CCDC33: variants seen among roughly 807,000 people sequenced by gnomAD.
CCDC33 encodes the protein coiled-coil domain containing 33, also known as coiled-coil domain-containing protein 33.
A neutral mutation model predicts 91.9 loss-of-function variants in CCDC33; 94 were observed. The ratio of observed to expected loss-of-function variants is 1.02; its 90% CI spans 0.87 to 1.21. The LOEUF (loss-of-function observed/expected upper bound fraction) is 1.21, where lower values mean the gene tolerates loss of function less well. Among genes scored for constraint, CCDC33 ranks in the 50% most tolerant of loss-of-function variants. The pLI is 0.00. For synonymous variants in CCDC33, 396 were observed against 374.5 expected, an observed-to-expected ratio of 1.06 and a Z score of -0.66; for missense variants, 940 against 935.5, an observed-to-expected ratio of 1.00 and a Z score of -0.06.
chr15:74,273,981 G>A (rs1421899125), intron 7 of CCDC33, among the ~76,000 whole-genome samples: 2 of 151,940 alleles, frequency 1.3e-5, no homozygotes, highest in East Asian at 3.9e-4. Context: ...ACTGGCACCC[G>A]CCACCATGCC....
At chr15:74,332,045 A>ATAAT (rs1233829494) in intron 15 of CCDC33, among the ~76,000 whole-genome samples, 3 of 152,192 alleles carry the variant, frequency 2.0e-5, no homozygotes, top group Non-Finnish European at 2.9e-5. Flanking sequence ...AAATAAATAA[A>ATAAT]TAAATGATTT....
intron 2 of CCDC33, among the ~76,000 whole-genome samples, chr15:74,258,164 A>G (rs2075922792): frequency 6.6e-6 from 1 of 152,144 alleles, no homozygotes; most frequent in African/African-American, 2.4e-5. Context: ...CTATTCCACC[A>G]TCCATCCACT....
intron 2 of CCDC33, among the ~76,000 whole-genome samples, chr15:74,256,122 G>A (rs1300190505): frequency 3.3e-5 from 5 of 152,192 alleles, no homozygotes; most frequent in African/African-American, 1.2e-4. Flanking sequence ...GGAGGCGCCA[G>A]GAATCATAAT....
intron 2 of CCDC33, among the ~76,000 whole-genome samples, chr15:74,220,715 C>T (rs950741353): frequency 1.7e-4 from 26 of 152,234 alleles, no homozygotes; most frequent in African/African-American, 5.8e-4. Context: ...ATGTCTGCTT[C>T]TGCCAAGACA....
chr15:74,335,819 C>T, intron 18 of CCDC33, 106 bp from the exon 19 acceptor site: 1 of 861,592 alleles, frequency 1.2e-6, no homozygotes, highest in Admixed American at 2.2e-5. Flanking sequence ...TCATGGCCCA[C>T]TGGATTCTGG....
rs34461827 is a variant in CCDC33, at chr15:74,223,774, G to GCACACACA, written c.675+4928_675+4935dup. 5.4e-3 allele frequency among the ~76,000 whole-genome samples: 780 copies of GCACACACA among 145,612 alleles called. 2 individuals are homozygous for GCACACACA. Among genetic ancestry groups the GCACACACA allele is most frequent in the Non-Finnish European group, 8.4e-3 (551 of 65,982 alleles). Reference sequence around the variant, plus strand: ...CACACACACACACACACGCAAGCATGCACACACACACACACACACACAGCA... The same window carrying GCACACACA: ...CACACACACACACACACGCAAGCATGCACACACACACACACACACACACACACACAGCA... On this transcript the variant is annotated intron_variant, in intron 2 of 2. Transcript: ENST00000635913.
intron 11 of CCDC33, among the ~76,000 whole-genome samples, chr15:74,298,697 G>A (rs2142636694): frequency 6.9e-6 from 1 of 145,600 alleles, no homozygotes; most frequent in South Asian, 2.2e-4. Context: ...TCGACACCCT[G>A]GCTAATTCTG....
chr15:74,323,878 T>G (rs540161762), intron 11 of CCDC33, among the ~76,000 whole-genome samples: 3 of 150,154 alleles, frequency 2.0e-5, no homozygotes, highest in African/African-American at 2.4e-5. Context: ...GATCATGAGG[T>G]CAGGAGTTCG....
intron 5 of CCDC33, among the ~76,000 whole-genome samples, chr15:74,269,062 C>T (rs1317256366): frequency 2.0e-5 from 3 of 151,728 alleles, no homozygotes; most frequent in Non-Finnish European, 4.4e-5. Flanking sequence ...GGCCTGGCCA[C>T]TGCCCCTTGA....
intron 2 of CCDC33, among the ~76,000 whole-genome samples, chr15:74,257,525 C>T (rs2075904155): frequency 6.6e-6 from 1 of 152,224 alleles, no homozygotes; most frequent in South Asian, 2.1e-4. Flanking sequence ...TTCCCTCCTG[C>T]CTGCCTGGCT....
intron 1 of CCDC33, among the ~76,000 whole-genome samples, chr15:74,241,130 G>T (rs1402057488): frequency 1.3e-5 from 2 of 152,184 alleles, no homozygotes; most frequent in Non-Finnish European, 2.9e-5. Flanking sequence ...GAGCATGGGG[G>T]AGAGAAGGAG....
At chr15:74,236,000 G>A (rs115067668), upstream of CCDC33, among the ~76,000 whole-genome samples, 210 of 152,226 alleles carry the variant, frequency 1.4e-3, no homozygotes, top group African/African-American at 5.0e-3. Context: ...AAAGAGGCAC[G>A]ATGGCTGGTA....
In CCDC33 at chr15:74,279,981, C is replaced by T. The variant is rs1464724964; in HGVS notation, c.778C>T (p.Pro260Ser). The change falls in exon 8 of 19, where the codon CCC (proline) becomes TCC (serine). Residue 260 changes from proline (P) to serine (S), a missense_variant. Pro to Ser is a moderately conservative substitution (Grantham distance 74, BLOSUM62 -1). Coordinates refer to ENST00000398814, the MANE Select transcript of CCDC33 (RefSeq NM_025055.5). ...GCPQLSKPGGPPEQPLWNQSF... is the reference protein window; with the variant it reads ...GCPQLSKPGGSPEQPLWNQSF... ...CCTCCAGCTGTCCAAGCCTGGGGGA[C>T]CCCCAGAGCAGCCCCTGTGGAATCA... 3.1e-6 allele frequency: 5 copies of T among 1,613,896 alleles called. No homozygotes were observed. The highest frequency in any genetic ancestry group is 4.2e-6 in the Non-Finnish European group (5 of 1,179,930).
chr15:74,276,130 TA>T (rs1296168187), intron 7 of CCDC33, among the ~76,000 whole-genome samples: 1 of 152,168 alleles, frequency 6.6e-6, no homozygotes, highest in Non-Finnish European at 1.5e-5. Context: ...CTTGCTGGTA[TA>T]AATGTGGAAG....
At chr15:74,221,228 T>TG in intron 2 of CCDC33, 2 of 976,622 alleles carry the variant, frequency 2.0e-6, no homozygotes. Flanking sequence ...TTTTTTTTTT[T>TG]TTTTTTTTTT....
chr15:74,239,066 G>A (rs368419121), intron 1 of CCDC33, among the ~76,000 whole-genome samples: 1 of 152,212 alleles, frequency 6.6e-6, no homozygotes, highest in South Asian at 2.1e-4. Context: ...AAACTGCTGG[G>A]AAATAGCCCC....
intron 11 of CCDC33, among the ~76,000 whole-genome samples, chr15:74,313,152 A>G (rs1476592309): frequency 6.6e-6 from 1 of 152,204 alleles, no homozygotes; most frequent in African/African-American, 2.4e-5. Context: ...AGCATTGGTT[A>G]AGGGTGGTAC....
chr15:74,255,000 G>A (rs1279321690), intron 2 of CCDC33, among the ~76,000 whole-genome samples: 4 of 151,766 alleles, frequency 2.6e-5, no homozygotes, highest in Admixed American at 6.6e-5. Flanking sequence ...CACCTGCCTC[G>A]GCCTCCCAAA....
chr15:74,283,548 G>A (rs1025761873), intron 10 of CCDC33, among the ~76,000 whole-genome samples: 1 of 152,176 alleles, frequency 6.6e-6, no homozygotes, highest in African/African-American at 2.4e-5. Context: ...CTTCCAGCTG[G>A]CGGCCTCACT....
Sources: allele counts gnomAD v4.1 joint callset (sites outside exome capture counted in the v4.1 genomes callset), GRCh38; gene constraint gnomAD v4.1.1; transcripts MANE v1.5; gene names NCBI Gene and HGNC (gene_info 2026-07-23, HGNC 2026-07-21).